CALCRL: variants seen among roughly 807,000 people sequenced by gnomAD.
CALCRL encodes calcitonin gene-related peptide type 1 receptor.
CALCRL carries 27 observed loss-of-function variants against 60.4 expected under a neutral mutation model. The observed-to-expected ratio is 0.45, with a 90% CI of 0.33 to 0.62. The LOEUF is 0.62. Among genes scored for constraint, CALCRL ranks in the 20% least tolerant of loss-of-function variants. The pLI, the probability that CALCRL is intolerant of heterozygous loss-of-function variation, is 0.03. For synonymous variants in CALCRL, 190 were observed against 182.6 expected, an observed-to-expected ratio of 1.04 and a Z score of -0.33; for missense variants, 424 against 540.7, an observed-to-expected ratio of 0.78 and a Z score of 2.14.
At chr2:187,423,922 C>G (rs1213428175) in intron 1 of CALCRL, among the ~76,000 whole-genome samples, 2 of 151,940 alleles carry the variant, frequency 1.3e-5, no homozygotes, top group Admixed American at 1.3e-4. Flanking sequence ...ATAAGGGGCT[C>G]TCATGCTTAA....
chr2:187,388,276 A>G (rs922213155), intron 1 of CALCRL, among the ~76,000 whole-genome samples: 6 of 152,196 alleles, frequency 3.9e-5, no homozygotes, highest in Non-Finnish European at 8.8e-5. Flanking sequence ...TAGCAAGGTG[A>G]AAGAAAGAAG....
At chr2:187,425,407 C>T (rs1317043920) in intron 1 of CALCRL, among the ~76,000 whole-genome samples, 1 of 151,844 alleles carries the variant, frequency 6.6e-6, no homozygotes, top group African/African-American at 2.4e-5. Flanking sequence ...CCTTTTAAAA[C>T]ACAAGAGAAA....
chr2:187,405,939 C>T (rs984646340), intron 1 of CALCRL, among the ~76,000 whole-genome samples: 1 of 143,550 alleles, frequency 7.0e-6, no homozygotes, highest in East Asian at 2.0e-4. Flanking sequence ...TGTGTGTATA[C>T]CTGTGTTGTC....
rs538545361 is a variant in CALCRL at position 187,409,818 on chromosome 2, G to A, written c.-292-22062C>T. 6.1e-4 allele frequency among the ~76,000 whole-genome samples: 93 copies of A among 152,242 alleles called. 1 individual carries two copies. The highest frequency in any genetic ancestry group is 1.9e-3 in the African/African-American group (81 of 41,540). On this transcript the variant is annotated intron_variant, in intron 1 of 14. Transcript: ENST00000392370. Reference sequence around the variant, plus strand: ...GATATCTGAAATTTGAGTCCTCATCGACTAGGGAAAGACTGGAGGTGGGAC... The same window carrying A: ...GATATCTGAAATTTGAGTCCTCATCAACTAGGGAAAGACTGGAGGTGGGAC...
At chr2:187,356,687 A>G (rs1686803802) in intron 12 of CALCRL, among the ~76,000 whole-genome samples, 3 of 152,236 alleles carry the variant, frequency 2.0e-5, no homozygotes, top group African/African-American at 7.2e-5. Flanking sequence ...GCTTCTGCAC[A>G]GCAAAACAAT....
At chr2:187,415,567 G>C in intron 1 of CALCRL, 1 of 513,936 alleles carries the variant, frequency 1.9e-6, no homozygotes, top group Non-Finnish European at 3.6e-6. Context: ...TGTGTCAGTG[G>C]TGGACCTGAC....
chr2:187,359,123 C>T lies in CALCRL; in HGVS notation c.849G>A (p.Trp283Ter). 1 of 1,612,484 alleles carries T rather than the reference C, an allele frequency of 6.2e-7. No individual in the cohort carries two copies. Among genetic ancestry groups the T allele is most frequent in the Non-Finnish European group, 8.5e-7 (1 of 1,178,822 alleles). The change falls in exon 12 of 15, where the codon TGG (tryptophan) becomes TGA (stop). Residue 283 changes from tryptophan (W) to a stop codon, truncating the protein, a stop_gained. Transcript: ENST00000392370. LOFTEE classifies it high-confidence loss of function. ...ARSLYYNDNC[W>*]ISSDTHLLYI... Reference sequence around the variant, plus strand: ...AGAGGAGATGGGTATCAGAACTGATCCAGCAACTAGAGAAAACATAATAAC... The same window carrying T: ...AGAGGAGATGGGTATCAGAACTGATTCAGCAACTAGAGAAAACATAATAAC...
rs2105727235 is a variant in CALCRL at position 187,360,726 on chromosome 2, A to G, written c.653T>C (p.Ile218Thr). 2.5e-6 allele frequency: 4 copies of G among 1,611,646 alleles called. No homozygotes were observed. Among genetic ancestry groups the G allele is most frequent in the African/African-American group, 1.3e-5 (1 of 74,902 alleles). The stretch of plus-strand genomic sequence containing the variant: ...ATTACAGCCCATCAGGTAAAGATGA[A>G]TGAACTGGGACACTTTGCAACTAAC... ...NPVSCKVSQF[I>T]HLYLMGCNYF... The change falls in exon 10 of 15, where the codon ATT becomes ACT. Residue 218 changes from isoleucine (I) to threonine (T), a missense_variant. Coordinates refer to ENST00000392370, the MANE Select transcript of CALCRL (RefSeq NM_005795.6).
chr2:187,408,897 CT>C (rs1292341300), intron 1 of CALCRL, among the ~76,000 whole-genome samples: 6 of 151,842 alleles, frequency 4.0e-5, no homozygotes, highest in African/African-American at 1.5e-4. Flanking sequence ...TCACATTGTG[CT>C]GTATAATATT....
chr2:187,379,949 T>C (rs1687917634), intron 7 of CALCRL, among the ~76,000 whole-genome samples: 1 of 152,214 alleles, frequency 6.6e-6, no homozygotes, highest in African/African-American at 2.4e-5. Flanking sequence ...GCAAGTGTTT[T>C]CTATCGAAGC....
intron 1 of CALCRL, among the ~76,000 whole-genome samples, chr2:187,399,883 G>A (rs1688813378): frequency 6.6e-6 from 1 of 151,412 alleles, no homozygotes; most frequent in Non-Finnish European, 1.5e-5. Flanking sequence ...CTCATATGAA[G>A]AAGATAAAAA....
chr2:187,374,049 C>A (rs892495327), intron 8 of CALCRL, among the ~76,000 whole-genome samples: 1 of 151,972 alleles, frequency 6.6e-6, no homozygotes, highest in African/African-American at 2.4e-5. Context: ...TGCCTGTAGT[C>A]CTTGCTACTT....
chr2:187,369,496 A>G (rs577400242), intron 8 of CALCRL, among the ~76,000 whole-genome samples: 13 of 152,274 alleles, frequency 8.5e-5, no homozygotes, highest in Middle Eastern at 3.4e-3. Context: ...AAGTTTCTCA[A>G]GGTTACACTC....
intron 8 of CALCRL, among the ~76,000 whole-genome samples, chr2:187,368,822 A>C (rs775716645): frequency 7.9e-5 from 12 of 152,140 alleles, no homozygotes; most frequent in Admixed American, 6.5e-5. Flanking sequence ...ACATATCCAA[A>C]AGGAAAGCCC....
At chr2:187,406,379 T>C (rs1001528777) in intron 1 of CALCRL, among the ~76,000 whole-genome samples, 1 of 152,054 alleles carries the variant, frequency 6.6e-6, no homozygotes, top group African/African-American at 2.4e-5. Flanking sequence ...GTAAATGTAC[T>C]AGTGTAAATG....
chr2:187,371,864 T>C (rs1482719764), intron 8 of CALCRL, among the ~76,000 whole-genome samples: 3 of 152,064 alleles, frequency 2.0e-5, no homozygotes, highest in African/African-American at 7.3e-5. Context: ...GTCACAATAT[T>C]GGTTAAATAT....
At chr2:187,443,174 T>C (rs1249907531) in intron 1 of CALCRL, among the ~76,000 whole-genome samples, 1 of 151,850 alleles carries the variant, frequency 6.6e-6, no homozygotes, top group Non-Finnish European at 1.5e-5. Flanking sequence ...GTAACAACTG[T>C]AATTATAAAT....
intron 1 of CALCRL, among the ~76,000 whole-genome samples, chr2:187,422,681 C>T (rs1574308109): frequency 6.6e-6 from 1 of 151,852 alleles, no homozygotes; most frequent in Non-Finnish European, 1.5e-5. Context: ...GAAGACATTA[C>T]CTAATCTTGT....
At chr2:187,375,278 CA>C (rs35276351) in intron 8 of CALCRL, among the ~76,000 whole-genome samples, 34,633 of 114,590 alleles carry the variant, frequency 0.3, 3,995 homozygotes, top group Middle Eastern at 0.42. Context: ...GACTCCGTCT[CA>C]AAAAAAAAAA....
Sources: gnomAD v4.1 joint callset for allele counts (sites outside exome capture counted in the v4.1 genomes callset) on GRCh38, gnomAD v4.1.1 for gene constraint, MANE v1.5 for transcripts, NCBI Gene and HGNC (gene_info 2026-07-23, HGNC 2026-07-21) for gene names.